The following HTR3D variants were observed in gnomAD, a reference collection of about 807,000 sequenced individuals.
HTR3D encodes 5-hydroxytryptamine (serotonin) receptor 3 family member D.
Under a neutral mutation model 45.8 loss-of-function variants are expected in HTR3D, and 47 were observed. The observed-to-expected ratio is 1.03, with a 90% confidence interval of 0.81 to 1.31. The LOEUF is 1.31. Ranked by LOEUF, HTR3D falls within the 50% of genes most tolerant of loss-of-function variation. The pLI is 0.00. For synonymous variants in HTR3D, 203 were observed against 199.8 expected (o/e 1.02, Z -0.13); for missense variants, 448 against 506.9 (o/e 0.88, Z 1.12).
In HTR3D at chr3:184,039,265, G is replaced by C. The variant is rs1723012998; in HGVS notation, c.*290G>C. ...AATCACCCCAATATGCCCCTTTGCA[G>C]AAAGTATTGGCTTTTCCCTGAATTC... On this transcript the variant is annotated 3_prime_UTR_variant, in exon 8 of 8. Coordinates refer to ENST00000428798, the MANE Select transcript of HTR3D (RefSeq NM_001145143.1). The C allele has an allele frequency of 3.1e-6, 1 of 320,274 alleles. No homozygotes were observed. Among genetic ancestry groups the C allele is most frequent in the African/African-American group, 2.1e-5 (1 of 46,622 alleles). The allele number at this position is 320,274 out of a possible 1,614,324, so 19.8% of individuals were successfully genotyped here.
rs747597726 is a variant in HTR3D at position 184,036,112 on chromosome 3, G to A, written c.197+12G>A. On this transcript the variant is annotated intron_variant, in intron 3 of 7. Transcript: ENST00000428798. ...TTCATCGAGGAGTCGTGAGTCTCAG[G>A]CCAAAAAAGCAGAATGGAAACCACG... 122 of 1,545,658 alleles carry A rather than the reference G, an allele frequency of 7.9e-5. No individual in the cohort carries two copies. The African/African-American group carries it at 1.3e-3, about 16-fold the overall frequency.
At chr3:184,036,574 G>A in intron 4 of HTR3D, 30 bp downstream of exon 4, 1 of 1,612,606 alleles carries the variant, frequency 6.2e-7, no homozygotes, top group Non-Finnish European at 8.5e-7. Context: ...ACTGTTGAGA[G>A]GCAGAGAAAG....
rs2108964254 is a variant in HTR3D at position 184,039,037 on chromosome 3, G to A, written c.*62G>A. On this transcript the variant is annotated 3_prime_UTR_variant, in exon 8 of 8. Coordinates refer to ENST00000428798, the MANE Select transcript of HTR3D (RefSeq NM_001145143.1). ...TTTTGCCAGAGAACTCCAGAAACCA[G>A]TCAGGCTCTCAGTCAGCCTTGTGGC... 1 of 1,522,888 alleles carries A rather than the reference G, an allele frequency of 6.6e-7. No individual in the cohort carries two copies. 94.3% of individuals were successfully genotyped at this position (1,522,888 alleles called of 1,614,324 possible).
Position 184,039,197 on chromosome 3 carries a change from C to G in HTR3D, c.*222C>G. 2 of 541,216 alleles carry G rather than the reference C, an allele frequency of 3.7e-6. No homozygotes were observed. The highest frequency in any genetic ancestry group is 6.2e-5 in the East Asian group (2 of 32,346). The allele number at this position is 541,216 out of a possible 1,614,324, so 33.5% of individuals were successfully genotyped here. On this transcript the variant is annotated 3_prime_UTR_variant, in exon 8 of 8. Coordinates refer to ENST00000428798, the MANE Select transcript of HTR3D (RefSeq NM_001145143.1). Reference sequence around the variant, plus strand: ...CCCCACTCAGCCCTCCCATACCTCCCTGGCTCCTCAGGATTCAGGTTCCTA... The same window carrying G: ...CCCCACTCAGCCCTCCCATACCTCCGTGGCTCCTCAGGATTCAGGTTCCTA...
intron 3 of HTR3D, 30 bp from the exon 4 acceptor site, chr3:184,036,345 C>G (rs1722888769): frequency 1.9e-6 from 3 of 1,610,600 alleles, no homozygotes; most frequent in Non-Finnish European, 2.5e-6. Flanking sequence ...ACAGCACCTA[C>G]CTCCCTGTCC....
At chr3:184,036,989 A>G (rs1722922701) in intron 5 of HTR3D, 93 bp downstream of exon 5, 3 of 1,265,834 alleles carry the variant, frequency 2.4e-6, no homozygotes, top group Non-Finnish European at 2.2e-6. Context: ...CGGCCTCCCA[A>G]AGTGCTGGGA....
chr3:184,037,731 C>T (rs780740155), intron 5 of HTR3D, among the ~76,000 whole-genome samples: 12 of 152,100 alleles, frequency 7.9e-5, no homozygotes, highest in East Asian at 1.9e-4. Flanking sequence ...ACACCTAAGT[C>T]GGTGGTTCCA....
intron 1 of HTR3D, 178 bp from the exon 2 acceptor site, chr3:184,035,000 T>C: frequency 7.1e-7 from 1 of 1,409,174 alleles, no homozygotes; most frequent in South Asian, 1.5e-5. Context: ...TCATACTGTG[T>C]TTTTCATTTA....
chr3:184,039,042 G>A lies in HTR3D; in HGVS notation c.*67G>A. ...CCAGAGAACTCCAGAAACCAGTCAG[G>A]CTCTCAGTCAGCCTTGTGGCCCTGT... On this transcript the variant is annotated 3_prime_UTR_variant, in exon 8 of 8. Coordinates refer to ENST00000428798, the MANE Select transcript of HTR3D (RefSeq NM_001145143.1). 1 of 1,405,512 alleles carries A rather than the reference G, an allele frequency of 7.1e-7. No homozygotes were observed. Among genetic ancestry groups the A allele is most frequent in the Non-Finnish European group, 9.5e-7 (1 of 1,053,122 alleles). The allele number at this position is 1,405,512 out of a possible 1,614,324, so 87.1% of individuals were successfully genotyped here.
Position 184,033,249 on chromosome 3 carries a change from C to T in HTR3D, c.66+1442C>T, listed in dbSNP as rs543167059. On this transcript the variant is annotated intron_variant, in intron 1 of 7. Coordinates refer to ENST00000428798, the MANE Select transcript of HTR3D (RefSeq NM_001145143.1). ...GATTCTCCTGCCTCAGCCTCCGGCA[C>T]GTGCTGCCCCACCCAGCTAATTTTT... is the stretch of plus-strand genomic sequence containing the variant. Among the ~76,000 whole-genome samples the T allele has an allele frequency of 9.9e-5, 15 of 151,832 alleles. No homozygotes were observed. In the East Asian group the frequency reaches 1.6e-3, roughly 16 times the overall value.
intron 1 of HTR3D, among the ~76,000 whole-genome samples, chr3:184,034,200 G>A (rs1441130261): frequency 6.6e-6 from 1 of 151,684 alleles, no homozygotes; most frequent in Non-Finnish European, 1.5e-5. Flanking sequence ...AGCAGTCTAA[G>A]TGTCTATTGA....
chr3:184,036,275 T>G (rs529404051), intron 3 of HTR3D, 100 bp from the exon 4 acceptor site: 2 of 1,521,652 alleles, frequency 1.3e-6, no homozygotes, highest in South Asian at 2.5e-5. Flanking sequence ...TGAGTGGGGC[T>G]GGAGCTCGAG....
Position 184,038,105 on chromosome 3 carries a change from C to T in HTR3D, c.601C>T (p.Leu201Phe). The T allele has an allele frequency of 6.2e-7, 1 of 1,614,152 alleles. No homozygotes were observed. The highest frequency in any genetic ancestry group is 8.5e-7 in the Non-Finnish European group (1 of 1,180,014). Reference protein sequence around the residue: ...PSGILIAIDALSFYLPLESGN... With the variant: ...PSGILIAIDAFSFYLPLESGN... ...TGGCATTCTGATTGCCATCGATGCC[C>T]TCAGTTTCTACCTGCCACTGGAAAG... is the stretch of plus-strand genomic sequence containing the variant. Residue 201 changes from leucine (L) to phenylalanine (F), a missense_variant, in exon 6 of 8, where the codon CTC becomes TTC. Coordinates refer to ENST00000428798, the MANE Select transcript of HTR3D (RefSeq NM_001145143.1). This position sits in a 1 kb window ranked among gnomAD's most constrained non-coding sequence, Gnocchi z 4.5.
intron 1 of HTR3D, among the ~76,000 whole-genome samples, chr3:184,034,089 C>A (rs961383497): frequency 6.6e-6 from 1 of 152,032 alleles, no homozygotes; most frequent in Middle Eastern, 3.2e-3. Flanking sequence ...ACCATACAAC[C>A]AAATAATTAT....
At chr3:184,035,296 A>C (rs1722854185) in intron 2 of HTR3D, 74 bp downstream of exon 2, 1 of 1,253,120 alleles carries the variant, frequency 8.0e-7, no homozygotes, top group Non-Finnish European at 1.1e-6. Flanking sequence ...CCAGCTTTGC[A>C]GATTATATTG....
chr3:184,037,900 C>T (rs1026557049), intron 5 of HTR3D, 121 bp from the exon 6 acceptor site: 78 of 1,217,514 alleles, frequency 6.4e-5, no homozygotes, highest in African/African-American at 3.3e-4. Flanking sequence ...CTGAAAGGGA[C>T]GGGAGGTAAT....
chr3:184,037,238 C>T (rs1019586173), intron 5 of HTR3D, among the ~76,000 whole-genome samples: 4 of 151,998 alleles, frequency 2.6e-5, no homozygotes, highest in African/African-American at 9.7e-5. Flanking sequence ...TGGGGTTTCA[C>T]CACGTTCACC....
intron 1 of HTR3D, chr3:184,032,894 G>A: frequency 6.4e-7 from 1 of 1,552,140 alleles, no homozygotes; most frequent in Non-Finnish European, 8.7e-7. Flanking sequence ...GCTCACTACA[G>A]GAAATGGCGA....
chr3:184,033,517 C>T (rs1722804427), intron 1 of HTR3D, among the ~76,000 whole-genome samples: 1 of 152,056 alleles, frequency 6.6e-6, no homozygotes, highest in Non-Finnish European at 1.5e-5. Flanking sequence ...TACAAACAGC[C>T]AATAAGCACA....
Sources: gnomAD v4.1 joint callset for allele counts (sites outside exome capture counted in the v4.1 genomes callset) on GRCh38, gnomAD v4.1.1 for gene constraint, Gnocchi (gnomAD v3.1) non-coding constraint, MANE v1.5 for transcripts, NCBI Gene and HGNC (gene_info 2026-07-23, HGNC 2026-07-21) for gene names.